CBLB: variants seen among roughly 807,000 people sequenced by gnomAD.
The protein encoded by CBLB is E3 ubiquitin-protein ligase CBL-B.
CBLB carries 31 observed loss-of-function variants against 104.9 expected under a neutral mutation model. The observed-to-expected ratio is 0.30, with a 90% CI of 0.22 to 0.40. The LOEUF (loss-of-function observed/expected upper bound fraction) is 0.40. Ranked by LOEUF, CBLB falls within the 10% of genes least tolerant of loss-of-function variation. The pLI is 1.00. For missense variants in CBLB, 1,062 were observed against 1,214.6 expected (o/e 0.87, Z 1.87); for synonymous variants, 440 against 422.6 (o/e 1.04, Z -0.51).
chr3:105,810,935 A>G (rs950948013), intron 3 of CBLB, among the ~76,000 whole-genome samples: 1 of 152,136 alleles, frequency 6.6e-6, no homozygotes, highest in Non-Finnish European at 1.5e-5. Flanking sequence ...TACATATTTT[A>G]TAATATGTAC....
At chr3:105,869,353 G>A (rs1351665281), upstream of CBLB, 1 of 1,340,374 alleles carries the variant, frequency 7.5e-7, no homozygotes, top group Non-Finnish European at 9.9e-7. Context: ...GGGGTGGCAG[G>A]TGGGCGTGAG....
In CBLB at chr3:105,867,394, G is replaced by C; in HGVS notation, c.168+16C>G. 6.2e-7 allele frequency: 1 copy of C among 1,613,122 alleles called. No homozygotes were observed. Among genetic ancestry groups the C allele is most frequent in the Non-Finnish European group, 8.5e-7 (1 of 1,179,068 alleles). On this transcript the variant is annotated intron_variant, in intron 2 of 18. Transcript: ENST00000394030. The stretch of plus-strand genomic sequence containing the variant: ...GTGAATAGTGTTTCGCACAGGCAAC[G>C]TCAGACAGAACTTACCACTTTGTCC...
chr3:105,864,612 G>A (rs2092318081), intron 2 of CBLB, among the ~76,000 whole-genome samples: 1 of 152,048 alleles, frequency 6.6e-6, no homozygotes. Context: ...CATAGACTAT[G>A]CTAACTCTGT....
At chr3:105,733,858 T>C (rs2074608231) in intron 9 of CBLB, 151 bp downstream of exon 9, 2 of 600,944 alleles carry the variant, frequency 3.3e-6, no homozygotes. Context: ...AAAAATCAAA[T>C]TATATATAGC....
At chr3:105,663,162 A>G (rs1576112809) in intron 18 of CBLB, among the ~76,000 whole-genome samples, 1 of 152,280 alleles carries the variant, frequency 6.6e-6, no homozygotes, top group Non-Finnish European at 1.5e-5. Flanking sequence ...GACCTTCACT[A>G]TCACAGTTAC....
At chr3:105,712,798 T>G (rs546484322) in intron 10 of CBLB, among the ~76,000 whole-genome samples, 1 of 152,216 alleles carries the variant, frequency 6.6e-6, no homozygotes, top group Non-Finnish European at 1.5e-5. Flanking sequence ...TATATAGATG[T>G]TAATATGTTA....
intron 4 of CBLB, among the ~76,000 whole-genome samples, chr3:105,752,694 C>T (rs942485962): frequency 5.3e-5 from 8 of 152,268 alleles, no homozygotes; most frequent in Middle Eastern, 6.8e-3. Flanking sequence ...TGAGATATCA[C>T]CATAAAGGTA....
At chr3:105,757,511 T>C (rs2077191947) in intron 4 of CBLB, among the ~76,000 whole-genome samples, 1 of 152,190 alleles carries the variant, frequency 6.6e-6, no homozygotes, top group African/African-American at 2.4e-5. Flanking sequence ...CTACTTTATC[T>C]GGGTAGGAGA....
chr3:105,715,875 C>T (rs2071781310), intron 10 of CBLB, among the ~76,000 whole-genome samples: 1 of 152,146 alleles, frequency 6.6e-6, no homozygotes, highest in Middle Eastern at 3.4e-3. Flanking sequence ...CCTGTCTCTA[C>T]TAAAAATACA....
intron 4 of CBLB, among the ~76,000 whole-genome samples, chr3:105,773,287 T>C (rs1440549714): frequency 1.3e-5 from 2 of 152,140 alleles, no homozygotes; most frequent in African/African-American, 2.4e-5. Context: ...AACTCAGAAA[T>C]AGAAAACCAA....
At chr3:105,812,479 A>G (rs1322907216) in intron 3 of CBLB, among the ~76,000 whole-genome samples, 6 of 152,218 alleles carry the variant, frequency 3.9e-5, no homozygotes, top group Non-Finnish European at 8.8e-5. Context: ...TGAAGTCTGG[A>G]ACATCTTTTC....
intron 12 of CBLB, among the ~76,000 whole-genome samples, chr3:105,695,191 T>C (rs1165887812): frequency 6.6e-6 from 1 of 151,830 alleles, no homozygotes; most frequent in Non-Finnish European, 1.5e-5. Flanking sequence ...GTTTGTTATT[T>C]TAGGACAAAG....
At chr3:105,786,319 T>C (rs1366520421) in intron 3 of CBLB, among the ~76,000 whole-genome samples, 1 of 152,114 alleles carries the variant, frequency 6.6e-6, no homozygotes, top group Non-Finnish European at 1.5e-5. Context: ...GAAACAAAAA[T>C]GTCATTAAAA....
At chr3:105,805,822 T>C (rs2083426404) in intron 3 of CBLB, among the ~76,000 whole-genome samples, 1 of 151,872 alleles carries the variant, frequency 6.6e-6, no homozygotes. Flanking sequence ...CCACCATCAG[T>C]AGTAGGACAT....
chr3:105,686,414 G>A (rs1342084343), intron 13 of CBLB, among the ~76,000 whole-genome samples: 5 of 148,676 alleles, frequency 3.4e-5, no homozygotes, highest in Non-Finnish European at 5.9e-5. Context: ...TAATCATCAT[G>A]AACCTCATGA....
At chr3:105,775,430 T>C (rs2079343032) in intron 4 of CBLB, among the ~76,000 whole-genome samples, 1 of 152,098 alleles carries the variant, frequency 6.6e-6, no homozygotes, top group Non-Finnish European at 1.5e-5. Context: ...ATCAAAGTAC[T>C]AAAAAAAGTG....
chr3:105,662,273 G>C (rs1278829056), intron 18 of CBLB, among the ~76,000 whole-genome samples: 1 of 152,108 alleles, frequency 6.6e-6, no homozygotes, highest in African/African-American at 2.4e-5. Context: ...TAGCACTTTC[G>C]AATGTGTAGG....
chr3:105,784,357 T>C (rs1389758910), intron 3 of CBLB, among the ~76,000 whole-genome samples: 2 of 152,154 alleles, frequency 1.3e-5, no homozygotes, highest in Admixed American at 6.5e-5. Context: ...AACCAGAACA[T>C]AGCAGAACTT....
At chr3:105,693,872 T>C (rs191580576) in intron 12 of CBLB, among the ~76,000 whole-genome samples, 19 of 152,120 alleles carry the variant, frequency 1.2e-4, no homozygotes, top group African/African-American at 3.9e-4. Context: ...AATGGCTAAA[T>C]AGGTAGACAG....
Sources: allele counts gnomAD v4.1 joint callset (sites outside exome capture counted in the v4.1 genomes callset), GRCh38; gene constraint gnomAD v4.1.1; transcripts MANE v1.5; gene names NCBI Gene and HGNC (gene_info 2026-07-23, HGNC 2026-07-21).